Variants in BICDL1 observed in about 807,000 individuals in gnomAD.
BICDL1 encodes the protein BICD family-like cargo adapter 1.
BICDL1 carries 20 observed loss-of-function variants against 76.8 expected under a neutral mutation model. The ratio of observed to expected loss-of-function variants is 0.26; its 90% CI spans 0.18 to 0.38. BICDL1 has a LOEUF of 0.38. Ranked by LOEUF, BICDL1 falls within the 10% of genes least tolerant of loss-of-function variation. The pLI, the probability that BICDL1 is intolerant of heterozygous loss-of-function variation, is 1.00. For missense variants in BICDL1, 700 were observed against 798.6 expected (o/e 0.88, Z 1.49); for synonymous variants, 383 against 337.1 (o/e 1.14, Z -1.49).
chr12:119,999,852 A>T, intron 2 of BICDL1: 1 of 426,664 alleles, frequency 2.3e-6, no homozygotes, highest in Non-Finnish European at 4.6e-6. Context: ...AGGAAAAAGA[A>T]CTTCTCTGAT....
intron 8 of BICDL1, among the ~76,000 whole-genome samples, chr12:120,085,357 T>G (rs906621229): frequency 6.6e-6 from 1 of 151,944 alleles, no homozygotes; most frequent in Non-Finnish European, 1.5e-5. Context: ...TAAGCCAAGA[T>G]TGCACCACTG....
intron 2 of BICDL1, among the ~76,000 whole-genome samples, chr12:120,024,662 A>G (rs1952251394): frequency 6.6e-6 from 1 of 151,260 alleles, no homozygotes; most frequent in South Asian, 2.1e-4. Context: ...ACTCTCAAAT[A>G]TAATAATTTA....
intron 2 of BICDL1, among the ~76,000 whole-genome samples, chr12:120,020,190 ACATT>A (rs1952150984): frequency 1.1e-5 from 1 of 93,184 alleles, no homozygotes; most frequent in Admixed American, 9.7e-5. Context: ...CGAGCCTGAC[ACATT>A]ATCTTGTGCC....
At chr12:120,020,826 G>A (rs1430701239) in intron 2 of BICDL1, among the ~76,000 whole-genome samples, 2 of 152,198 alleles carry the variant, frequency 1.3e-5, no homozygotes, top group Non-Finnish European at 2.9e-5. Context: ...GAATGGTGGG[G>A]ACAACCAGGC....
At chr12:120,027,141 G>A (rs764171335) in intron 2 of BICDL1, among the ~76,000 whole-genome samples, 3 of 146,454 alleles carry the variant, frequency 2.0e-5, no homozygotes, top group Non-Finnish European at 3.0e-5. Flanking sequence ...TGTGATTCTC[G>A]TGCCTCAGCC....
chr12:120,025,492 G>A (rs1191078664), intron 2 of BICDL1, among the ~76,000 whole-genome samples: 1 of 152,146 alleles, frequency 6.6e-6, no homozygotes, highest in Non-Finnish European at 1.5e-5. Context: ...CCTATGTGGT[G>A]TTTGCACCCG....
chr12:120,063,933 C>G (rs576665104), intron 3 of BICDL1, among the ~76,000 whole-genome samples: 2 of 152,180 alleles, frequency 1.3e-5, no homozygotes, highest in African/African-American at 4.8e-5. Flanking sequence ...CCCTCTTTGC[C>G]TCTGTTTTCT....
intron 4 of BICDL1, 36 bp downstream of exon 4, chr12:120,064,915 G>T: frequency 6.4e-7 from 1 of 1,568,026 alleles, no homozygotes; most frequent in African/African-American, 1.4e-5. Flanking sequence ...CAGGACTAGA[G>T]CCAGATAAAA....
At chr12:120,005,081 C>T (rs1464620199) in intron 2 of BICDL1, among the ~76,000 whole-genome samples, 1 of 152,134 alleles carries the variant, frequency 6.6e-6, no homozygotes, top group East Asian at 1.9e-4. Flanking sequence ...ACCTCGGCCT[C>T]GAAAAGTGCT....
chr12:120,032,652 C>A (rs572398802), intron 2 of BICDL1, among the ~76,000 whole-genome samples: 1 of 152,048 alleles, frequency 6.6e-6, no homozygotes, highest in African/African-American at 2.4e-5. Flanking sequence ...AATTTAAAAA[C>A]ATCATATTTC....
Position 120,081,232 on chromosome 12 carries a change from CTT to C in BICDL1, c.1583+219_1583+220del, listed in dbSNP as rs1873956266. 2.2e-5 allele frequency among the ~76,000 whole-genome samples: 3 copies of C among 138,210 alleles called. No individual in the cohort carries two copies. In the South Asian group the frequency reaches 7.4e-4, roughly 34 times the overall value. The allele number at this position is 138,210 out of a possible 152,430, so 90.7% of individuals were successfully genotyped here. A position where few individuals can be genotyped will look rare whatever the true frequency, so the allele number is the denominator to read the frequency against. On this transcript the variant is annotated intron_variant, in intron 8 of 9. Coordinates refer to ENST00000548673, the MANE Select transcript of BICDL1 (RefSeq NM_001367886.1). ...AGTTAGCTGTGCATTTTTTGCAGCT[CTT>C]TTTCTTATGCATATGTAGGTGTGTA...
At chr12:120,018,134 C>T (rs900400819) in intron 2 of BICDL1, among the ~76,000 whole-genome samples, 2 of 152,146 alleles carry the variant, frequency 1.3e-5, no homozygotes, top group African/African-American at 4.8e-5. Flanking sequence ...ACCTGGGCAG[C>T]TTTTGCGCTG....
Position 120,080,811 on chromosome 12 carries a change from CTT to C in BICDL1, c.1453-74_1453-73del. On this transcript the variant is annotated intron_variant, in intron 7 of 9. Coordinates refer to ENST00000548673, the MANE Select transcript of BICDL1 (RefSeq NM_001367886.1). ...TGTACCCTGGTCCTGCCTGGGGTCT[CTT>C]TGTTCCTTTTTCCCTCTTGGAGGGA... The C allele has an allele frequency of 2.6e-6, 4 of 1,560,532 alleles. No individual in the cohort carries two copies. In the African/African-American group the frequency reaches 4.1e-5, roughly 16 times the overall value.
intron 2 of BICDL1, among the ~76,000 whole-genome samples, chr12:120,026,205 ATTTG>A (rs1952298102): frequency 6.6e-6 from 1 of 152,170 alleles, no homozygotes; most frequent in African/African-American, 2.4e-5. Flanking sequence ...CAGTTCATCA[ATTTG>A]TTCTGAAATT....
chr12:120,078,790 T>C (rs1321036540), intron 7 of BICDL1, among the ~76,000 whole-genome samples: 1 of 152,252 alleles, frequency 6.6e-6, no homozygotes, highest in African/African-American at 2.4e-5. Flanking sequence ...AAATGTTGGC[T>C]TTTCCTGCCT....
intron 8 of BICDL1, among the ~76,000 whole-genome samples, chr12:120,082,891 T>G (rs1416531164): frequency 6.6e-6 from 1 of 151,756 alleles, no homozygotes; most frequent in Non-Finnish European, 1.5e-5. Flanking sequence ...TTTTACTTTA[T>G]TTTTTTTGAG....
chr12:120,033,605 T>C (rs1952474083), intron 2 of BICDL1, among the ~76,000 whole-genome samples: 2 of 151,930 alleles, frequency 1.3e-5, no homozygotes, highest in African/African-American at 2.4e-5. Context: ...ATGGTCTCCA[T>C]CTCCTGCTCC....
rs1297248469 is a variant in BICDL1 at position 119,998,521 on chromosome 12, C to T, written c.430C>T (p.His144Tyr). 1.3e-6 allele frequency: 2 copies of T among 1,597,686 alleles called. No individual in the cohort carries two copies. Among genetic ancestry groups the T allele is most frequent in the Admixed American group, 3.5e-5 (2 of 56,348 alleles). ...MHKELTDKLE[H>Y]LEQEKHELRR... ...TTAAATCCCTTCACTTTTCACCCAG[C>T]ACTTAGAGCAAGAGAAACATGAATT... is the stretch of plus-strand genomic sequence containing the variant. Residue 144 changes from histidine to tyrosine, a missense_variant and splice_region_variant, in exon 2 of 10, where the codon CAC becomes TAC. His to Tyr is a moderately conservative substitution (Grantham distance 83, BLOSUM62 2). Around this residue, in one of 3 missense-constraint regions of BICDL1, gnomAD observed 20 missense variants for 50.3 expected, o/e 0.40. Coordinates refer to ENST00000548673, the MANE Select transcript of BICDL1 (RefSeq NM_001367886.1).
intron 2 of BICDL1, among the ~76,000 whole-genome samples, chr12:120,055,089 T>C (rs1952947230): frequency 6.6e-6 from 1 of 152,204 alleles, no homozygotes; most frequent in Non-Finnish European, 1.5e-5. Context: ...TCATTGTCAC[T>C]GTCACTGCCA....
Sources: allele counts gnomAD v4.1 joint callset (sites outside exome capture counted in the v4.1 genomes callset), GRCh38; gene constraint gnomAD v4.1.1; regional missense constraint gnomAD v4.1.1; transcripts MANE v1.5; gene names NCBI Gene and HGNC (gene_info 2026-07-23, HGNC 2026-07-21).